Variants in STX7 observed in about 807,000 individuals in gnomAD.
The protein encoded by STX7 is syntaxin 7.
Under a neutral mutation model 39.6 loss-of-function variants are expected in STX7, and 34 were observed. That is an observed-to-expected ratio of 0.86 (90% CI 0.65 to 1.14). The LOEUF (loss-of-function observed/expected upper bound fraction) is 1.14. Among genes scored for constraint, STX7 ranks in the 50% most tolerant of loss-of-function variants. The probability of loss-of-function intolerance (pLI) is 0.00; values close to 1 mark genes in which losing one functional copy is unlikely to be tolerated. For missense variants in STX7, 284 were observed against 310.4 expected (o/e 0.92, Z 0.64); for synonymous variants, 119 against 99.1 (o/e 1.20, Z -1.19).
chr6:132,460,818 A>C lies in STX7; in HGVS notation c.726T>G (p.Ile242Met). ...RKSRKTLCII[I>M]LILVIGVAII... ...TCGCAACTCCAATGACAAGGATAAG[A>C]ATGATGATGCACAGGGTTTTTCTGG... Residue 242 changes from isoleucine to methionine, a missense_variant, in exon 10 of 10, where the codon ATT becomes ATG. Ile to Met is a conservative substitution (Grantham distance 10). Coordinates refer to ENST00000367941, the MANE Select transcript of STX7 (RefSeq NM_003569.3). 3 of 1,613,658 alleles carry C rather than the reference A, an allele frequency of 1.9e-6. No homozygotes were observed. Among genetic ancestry groups the C allele is most frequent in the Non-Finnish European group, 2.5e-6 (3 of 1,179,788 alleles).
intron 9 of STX7, chr6:132,461,878 T>C: frequency 6.5e-7 from 1 of 1,537,174 alleles, no homozygotes; most frequent in Non-Finnish European, 8.8e-7. Flanking sequence ...AGTAGAAAAA[T>C]TTGTAAATTT....
Position 132,503,532 on chromosome 6 carries a change from G to T in STX7, c.-2C>A. Reference sequence around the variant, plus strand: ...ACCAACTCCTGGAGTGTAAGACATGGTTGATGTTCTTATTCGCTAATTTCA... The same window carrying T: ...ACCAACTCCTGGAGTGTAAGACATGTTTGATGTTCTTATTCGCTAATTTCA... On this transcript the variant is annotated 5_prime_UTR_variant, in exon 2 of 10. Coordinates refer to ENST00000367941, the MANE Select transcript of STX7 (RefSeq NM_003569.3). 3 of 1,613,218 alleles carry T rather than the reference G, an allele frequency of 1.9e-6. No homozygotes were observed. The highest frequency in any genetic ancestry group is 2.5e-6 in the Non-Finnish European group (3 of 1,179,338).
In STX7 at chr6:132,464,084, T is replaced by TC; in HGVS notation, c.611-10_611-9insG. 3.1e-6 allele frequency: 5 copies of TC among 1,611,628 alleles called. No individual in the cohort carries two copies. The highest frequency in any genetic ancestry group is 4.2e-6 in the Non-Finnish European group (5 of 1,178,120). Reference sequence around the variant, plus strand: ...ATTGGCTTCTATGCTATCTGTAAAATAAAACACACACACACAAATGTGTTA... The same window carrying TC: ...ATTGGCTTCTATGCTATCTGTAAAATCAAAACACACACACACAAATGTGTTA... On this transcript the variant is annotated splice_polypyrimidine_tract_variant and intron_variant, in intron 8 of 9. Transcript: ENST00000367941.
chr6:132,474,749 A>G (rs1774827956), intron 3 of STX7, among the ~76,000 whole-genome samples: 1 of 152,226 alleles, frequency 6.6e-6, no homozygotes, highest in Admixed American at 6.5e-5. Context: ...ATGTAAAAAT[A>G]CTCTGTAAAA....
intron 1 of STX7, among the ~76,000 whole-genome samples, chr6:132,503,911 T>C: frequency 6.6e-6 from 1 of 152,234 alleles, no homozygotes; most frequent in Admixed American, 6.5e-5. Context: ...ACATATTTTT[T>C]CCTTAACTAA....
rs1005989985 is a variant in STX7 at position 132,455,062 on chromosome 6, T to G, written c.*5696A>C. The G allele has an allele frequency of 2.6e-5, 4 of 152,140 alleles. No homozygotes were observed. The highest frequency in any genetic ancestry group is 9.7e-5 in the African/African-American group (4 of 41,446). 9.4% of individuals were successfully genotyped at this position (152,140 alleles called of 1,614,324 possible). ...GAATGAAATAAAATATATTCCCCAT[T>G]AAAATCTTGCTTATTTTTAGAATCA... On this transcript the variant is annotated 3_prime_UTR_variant, in exon 10 of 10. Transcript: ENST00000367941.
intron 3 of STX7, among the ~76,000 whole-genome samples, chr6:132,473,920 T>C (rs1774803761): frequency 6.6e-6 from 1 of 151,760 alleles, no homozygotes. Context: ...AATCATAATA[T>C]AGTCAAAGTT....
intron 2 of STX7, among the ~76,000 whole-genome samples, chr6:132,480,090 C>T (rs879016078): frequency 3.9e-5 from 6 of 152,158 alleles, no homozygotes; most frequent in Non-Finnish European, 8.8e-5. Context: ...TCCCCCGACC[C>T]CATGCTTCTA....
chr6:132,505,750 A>C (rs1775684462), intron 1 of STX7, among the ~76,000 whole-genome samples: 3 of 148,264 alleles, frequency 2.0e-5, no homozygotes, highest in Admixed American at 6.8e-5. Flanking sequence ...AAAAAAAAAA[A>C]AAAAAAAAAA....
intron 2 of STX7, among the ~76,000 whole-genome samples, chr6:132,492,836 CAGAA>C (rs147781771): frequency 0.017 from 2,556 of 152,260 alleles, 61 homozygotes; most frequent in African/African-American, 0.056. Context: ...ACATATCTTC[CAGAA>C]AGAGATTATT....
chr6:132,472,736 C>A (rs1437146455), intron 3 of STX7, among the ~76,000 whole-genome samples: 1 of 152,162 alleles, frequency 6.6e-6, no homozygotes, highest in African/African-American at 2.4e-5. Flanking sequence ...CATCTCACAC[C>A]TGGAAGGTCA....
chr6:132,505,469 TC>T (rs2114479080), intron 1 of STX7, among the ~76,000 whole-genome samples: 1 of 152,248 alleles, frequency 6.6e-6, no homozygotes, highest in East Asian at 1.9e-4. Flanking sequence ...TTCTCCAACT[TC>T]CCTCTCAGGT....
At chr6:132,505,513 A>AC (rs1212153310) in intron 1 of STX7, among the ~76,000 whole-genome samples, 7 of 152,126 alleles carry the variant, frequency 4.6e-5, no homozygotes, top group African/African-American at 1.7e-4. Flanking sequence ...TCTGGGTCTC[A>AC]CCAAATCCTA....
chr6:132,451,597 A>G lies in STX7; in HGVS notation c.*9161T>C, dbSNP rs1774137668. 6.6e-6 allele frequency: 1 copy of G among 152,194 alleles called. No individual in the cohort carries two copies. Among genetic ancestry groups the G allele is most frequent in the Non-Finnish European group, 1.5e-5 (1 of 68,032 alleles). The allele number at this position is 152,194 out of a possible 1,614,324, so 9.4% of individuals were successfully genotyped here. A position where few individuals can be genotyped will look rare whatever the true frequency, so the allele number is the denominator to read the frequency against. Reference sequence around the variant, plus strand: ...TGCTCTAAACAGAAAGGAAATGATAAATGAAGGAGTTTTGGAATATCAGAC... The same window carrying G: ...TGCTCTAAACAGAAAGGAAATGATAGATGAAGGAGTTTTGGAATATCAGAC... On this transcript the variant is annotated 3_prime_UTR_variant, in exon 10 of 10. Transcript: ENST00000367941.
chr6:132,471,702 C>T, intron 4 of STX7, 102 bp from the exon 5 acceptor site: 21 of 1,353,214 alleles, frequency 1.6e-5, no homozygotes, highest in Non-Finnish European at 2.1e-5. Context: ...TTCACTTACT[C>T]CCCAATTACA....
At chr6:132,484,666 G>A (rs1381282065) in intron 2 of STX7, among the ~76,000 whole-genome samples, 1 of 152,104 alleles carries the variant, frequency 6.6e-6, no homozygotes, top group Non-Finnish European at 1.5e-5. Flanking sequence ...AAAAAATAAT[G>A]GTTAGTAAAA....
intron 2 of STX7, among the ~76,000 whole-genome samples, chr6:132,483,190 G>T (rs1435640498): frequency 6.6e-6 from 1 of 152,080 alleles, no homozygotes; most frequent in Non-Finnish European, 1.5e-5. Context: ...AACAAAATCT[G>T]CAGATGCTCA....
At chr6:132,468,539 A>C (rs2114369121) in intron 7 of STX7, 64 bp from the exon 8 acceptor site, 1 of 1,356,106 alleles carries the variant, frequency 7.4e-7, no homozygotes, top group East Asian at 2.4e-5. Context: ...AAAGAGGAAA[A>C]ATTTTAAAAA....
At chr6:132,511,781 G>T (rs1775851703) in intron 1 of STX7, among the ~76,000 whole-genome samples, 1 of 152,078 alleles carries the variant, frequency 6.6e-6, no homozygotes, top group South Asian at 2.1e-4. Context: ...AAATTAAATG[G>T]AATCACAGCA....
Sources: allele counts gnomAD v4.1 joint callset (sites outside exome capture counted in the v4.1 genomes callset), GRCh38; gene constraint gnomAD v4.1.1; transcripts MANE v1.5; gene names NCBI Gene and HGNC (gene_info 2026-07-23, HGNC 2026-07-21).